The following GPATCH8 variants were observed in gnomAD, a reference collection of about 807,000 sequenced individuals.
GPATCH8 encodes the protein G-patch domain containing 8, also known as G patch domain-containing protein 8.
GPATCH8 carries 18 observed loss-of-function variants against 118.3 expected under a neutral mutation model. The ratio of observed to expected loss-of-function variants is 0.15; its 90% CI spans 0.11 to 0.23. The LOEUF (loss-of-function observed/expected upper bound fraction) is 0.23. GPATCH8 is among the 10% of genes least tolerant of loss of function. The pLI is 1.00. For synonymous variants in GPATCH8, 659 were observed against 684.7 expected (o/e 0.96, Z 0.59); for missense variants, 1,631 against 1,873.8 (o/e 0.87, Z 2.39).
chr17:44,467,655 C>A (rs188595734), intron 2 of GPATCH8, among the ~76,000 whole-genome samples: 1 of 152,260 alleles, frequency 6.6e-6, no homozygotes, highest in East Asian at 1.9e-4. Flanking sequence ...AAAACTGGAC[C>A]TTTCCTATCA....
chr17:44,436,548 G>A lies in GPATCH8; in HGVS notation c.194-3C>T, dbSNP rs762395845. On this transcript the variant is annotated splice_region_variant and splice_polypyrimidine_tract_variant and intron_variant, in intron 3 of 7. Coordinates refer to ENST00000591680, the MANE Select transcript of GPATCH8 (RefSeq NM_001002909.4). ...GATTGGAATGGGATCTGTTCTCCCT[G>A]TAACAGGAACACATAATCAAGGTAA... 4 of 1,418,062 alleles carry A rather than the reference G, an allele frequency of 2.8e-6. No homozygotes were observed. The highest frequency in any genetic ancestry group is 3.3e-5 in the Admixed American group (2 of 59,732). The allele number at this position is 1,418,062 out of a possible 1,614,324, so 87.8% of individuals were successfully genotyped here.
Position 44,395,296 on chromosome 17 carries a change from G to T in GPATCH8, c.*2272C>A, listed in dbSNP as rs1191143701. The T allele has an allele frequency of 5.2e-6, 2 of 381,252 alleles. No individual in the cohort carries two copies. The highest frequency in any genetic ancestry group is 3.4e-5 in the Admixed American group (1 of 29,240). The allele number at this position is 381,252 out of a possible 1,614,324, so 23.6% of individuals were successfully genotyped here. A position where few individuals can be genotyped will look rare whatever the true frequency, so the allele number is the denominator to read the frequency against. On this transcript the variant is annotated 3_prime_UTR_variant, in exon 8 of 8. Coordinates refer to ENST00000591680, the MANE Select transcript of GPATCH8 (RefSeq NM_001002909.4). The stretch of plus-strand genomic sequence containing the variant: ...CTCTGCTAAGTTTCCACAAATCATT[G>T]GTTTATTAGAAAGTTCCTTTCCCTC...
At chr17:44,402,011 T>A (rs1313789735) in intron 7 of GPATCH8, among the ~76,000 whole-genome samples, 18 of 81,010 alleles carry the variant, frequency 2.2e-4, no homozygotes, top group South Asian at 3.5e-4. Context: ...CTCAAAAAAA[T>A]TAAAAAAAAA....
chr17:44,418,773 G>A (rs1359518257), intron 6 of GPATCH8, among the ~76,000 whole-genome samples: 1 of 152,132 alleles, frequency 6.6e-6, no homozygotes, highest in African/African-American at 2.4e-5. Context: ...TGTCTATTGA[G>A]CATTCAGGTG....
chr17:44,451,375 G>A (rs972616803), intron 3 of GPATCH8, among the ~76,000 whole-genome samples: 4 of 152,016 alleles, frequency 2.6e-5, no homozygotes, highest in African/African-American at 9.7e-5. Context: ...TTACAGTCGT[G>A]AGCCACCACA....
intron 6 of GPATCH8, among the ~76,000 whole-genome samples, chr17:44,409,622 G>A (rs1277160108): frequency 6.6e-6 from 1 of 152,084 alleles, no homozygotes; most frequent in Non-Finnish European, 1.5e-5. Context: ...AGAAAGCTTG[G>A]GTTCAAATCC....
intron 3 of GPATCH8, among the ~76,000 whole-genome samples, chr17:44,455,777 C>T (rs753626087): frequency 1.1e-4 from 17 of 152,148 alleles, no homozygotes; most frequent in South Asian, 4.1e-4. Flanking sequence ...GACAGAGTTT[C>T]GCTCTTGTCA....
intron 1 of GPATCH8, among the ~76,000 whole-genome samples, chr17:44,485,341 T>C (rs1222055264): frequency 6.6e-6 from 1 of 152,206 alleles, no homozygotes; most frequent in Non-Finnish European, 1.5e-5. Context: ...TTCAAACCCC[T>C]GGTCTCAGGT....
chr17:44,458,538 T>C (rs1000514677), intron 3 of GPATCH8, among the ~76,000 whole-genome samples: 87 of 152,308 alleles, frequency 5.7e-4, no homozygotes, highest in African/African-American at 2.0e-3. Context: ...CCTTTCCTTT[T>C]TTTGAGACAG....
In GPATCH8 at chr17:44,401,387, A is replaced by G; in HGVS notation, c.690T>C (p.Asp230=). 1 of 1,613,350 alleles carries G rather than the reference A, an allele frequency of 6.2e-7. No individual in the cohort carries two copies. The highest frequency in any genetic ancestry group is 8.5e-7 in the Non-Finnish European group (1 of 1,179,362). Residue 230 remains aspartate (D), a synonymous_variant, in exon 8 of 8, where the codon GAT becomes GAC. Coordinates refer to ENST00000591680, the MANE Select transcript of GPATCH8 (RefSeq NM_001002909.4). ...TVAVDEEGGE[D]DKDESATNSG... ...TATTTGTAGCTGATTCATCTTTATC[A>G]TCTTCTCCACCTTCTTCATCTACAG...
At chr17:44,458,192 A>G (rs1056269582) in intron 3 of GPATCH8, among the ~76,000 whole-genome samples, 9 of 150,064 alleles carry the variant, frequency 6.0e-5, no homozygotes, top group Admixed American at 5.3e-4. Context: ...TCAAGGCTGC[A>G]GTGAGCTATG....
chr17:44,400,541 A>G lies in GPATCH8; in HGVS notation c.1536T>C (p.Ser512=), dbSNP rs1199435964. Residue 512 remains serine (S), a synonymous_variant, in exon 8 of 8, where the codon TCT becomes TCC. Coordinates refer to ENST00000591680, the MANE Select transcript of GPATCH8 (RefSeq NM_001002909.4). ...GGGTGGCCAGAGAGGTTTCTTTAGA[A>G]GAGTTGGACTCACACATTTGGGTCT... ...VSETQMCESN[S]SKETSLATPA... 1 of 1,614,114 alleles carries G rather than the reference A, an allele frequency of 6.2e-7. No homozygotes were observed. Among genetic ancestry groups the G allele is most frequent in the Admixed American group, 1.7e-5 (1 of 60,018 alleles).
At chr17:44,432,453 A>C (rs563474824) in intron 5 of GPATCH8, among the ~76,000 whole-genome samples, 1 of 152,312 alleles carries the variant, frequency 6.6e-6, no homozygotes, top group East Asian at 1.9e-4. Flanking sequence ...ACTAAGAGGG[A>C]CATGACACAT....
In GPATCH8 at chr17:44,396,652, G is replaced by A. The variant is rs535483665; in HGVS notation, c.*916C>T. Reference sequence around the variant, plus strand: ...CATATTTACACAAAGCCACCAGAACGAGGATCACTTAAAGAGCTGGATGTA... The same window carrying A: ...CATATTTACACAAAGCCACCAGAACAAGGATCACTTAAAGAGCTGGATGTA... On this transcript the variant is annotated 3_prime_UTR_variant, in exon 8 of 8. Transcript: ENST00000591680. 7 of 447,942 alleles carry A rather than the reference G, an allele frequency of 1.6e-5. No individual in the cohort carries two copies. Among genetic ancestry groups the A allele is most frequent in the African/African-American group, 4.0e-5 (2 of 49,490 alleles). 27.7% of individuals were successfully genotyped at this position (447,942 alleles called of 1,614,324 possible).
At chr17:44,487,105 CAT>C (rs1455539742) in intron 1 of GPATCH8, among the ~76,000 whole-genome samples, 1 of 152,106 alleles carries the variant, frequency 6.6e-6, no homozygotes, top group African/African-American at 2.4e-5. Context: ...ATTATAGTAT[CAT>C]AGAGAATAAT....
At chr17:44,431,039 G>C (rs974684294) in intron 5 of GPATCH8, among the ~76,000 whole-genome samples, 2 of 151,834 alleles carry the variant, frequency 1.3e-5, no homozygotes, top group Non-Finnish European at 2.9e-5. Flanking sequence ...GTAAATTTAT[G>C]TTATGTGAAT....
chr17:44,400,041 T>C lies in GPATCH8; in HGVS notation c.2036A>G (p.Lys679Arg). The change falls in exon 8 of 8, where the codon AAG becomes AGG. Residue 679 changes from lysine (K) to arginine (R), a missense_variant. Lys to Arg is a conservative substitution (Grantham distance 26). Around this residue, in one of 8 missense-constraint regions of GPATCH8, gnomAD observed 922 missense variants for 879.7 expected, o/e 1.05. Coordinates refer to ENST00000591680, the MANE Select transcript of GPATCH8 (RefSeq NM_001002909.4). ...SGKSHRHKKKKKHKKSSKHKR... is the reference protein window; with the variant it reads ...SGKSHRHKKKRKHKKSSKHKR... ...GTGTTTGCTGGATTTTTTGTGCTTC[T>C]TTTTCTTTTTGTGCCGGTGGGACTT... The C allele has an allele frequency of 6.2e-7, 1 of 1,614,058 alleles. No individual in the cohort carries two copies. Among genetic ancestry groups the C allele is most frequent in the Non-Finnish European group, 8.5e-7 (1 of 1,180,010 alleles).
Position 44,397,427 on chromosome 17 carries a change from C to T in GPATCH8, c.*141G>A, listed in dbSNP as rs761043111. The T allele has an allele frequency of 1.4e-6, 1 of 718,324 alleles. No homozygotes were observed. The highest frequency in any genetic ancestry group is 1.7e-5 in the African/African-American group (1 of 57,368). 44.5% of individuals were successfully genotyped at this position (718,324 alleles called of 1,614,324 possible). The stretch of plus-strand genomic sequence containing the variant: ...AGCAAACTTCAAATCTAAACCCACC[C>T]CTGCAAGCCAAAACTCAATTCTTTG... On this transcript the variant is annotated 3_prime_UTR_variant, in exon 8 of 8. Transcript: ENST00000591680.
In GPATCH8 at chr17:44,396,310, TCTAC is replaced by T; in HGVS notation, c.*1254_*1257del. ...AATCCCCTCCTTCTCCTCTGTGGGG[TCTAC>T]CTGTTTCTCTGTGTAAAACAGCAAA... On this transcript the variant is annotated 3_prime_UTR_variant, in exon 8 of 8. Transcript: ENST00000591680. The T allele has an allele frequency of 2.2e-6, 1 of 454,410 alleles. No individual in the cohort carries two copies. The highest frequency in any genetic ancestry group is 4.4e-6 in the Non-Finnish European group (1 of 226,774). The allele number at this position is 454,410 out of a possible 1,614,324, so 28.1% of individuals were successfully genotyped here.
Sources: allele counts gnomAD v4.1 joint callset (sites outside exome capture counted in the v4.1 genomes callset), GRCh38; gene constraint gnomAD v4.1.1; regional missense constraint gnomAD v4.1.1; transcripts MANE v1.5; gene names NCBI Gene and HGNC (gene_info 2026-07-23, HGNC 2026-07-21).